CCDC171: variants seen among roughly 807,000 people sequenced by gnomAD.
CCDC171 encodes coiled-coil domain containing 171, also known as coiled-coil domain-containing protein 171.
In CCDC171, 177 loss-of-function variants were observed where a neutral mutation model predicts 168.2. The ratio of observed to expected loss-of-function variants is 1.05; its 90% CI spans 0.93 to 1.19. The LOEUF is 1.19. CCDC171 is among the 50% of genes most tolerant of loss of function. The pLI, the probability that CCDC171 is intolerant of heterozygous loss-of-function variation, is 0.00. For synonymous variants in CCDC171, 687 were observed against 540.8 expected, an observed-to-expected ratio of 1.27 and a Z score of -3.75; for missense variants, 1,991 against 1,539.0, an observed-to-expected ratio of 1.29 and a Z score of -4.91.
chr9:15,632,399 A>C lies in CCDC171; in HGVS notation c.822+8986A>C, dbSNP rs868533977. Among the ~76,000 whole-genome samples the C allele has an allele frequency of 7.8e-3, 1,173 of 150,814 alleles. 10 individuals are homozygous for C. The highest frequency in any genetic ancestry group is 0.024 in the African/African-American group (966 of 41,100). On this transcript the variant is annotated intron_variant, in intron 7 of 25. Coordinates refer to ENST00000380701, the MANE Select transcript of CCDC171 (RefSeq NM_173550.4). ...ATAACAGACAAACAGAGAGCCAAAT[A>C]ATGAGTGAACTCCCATTCACAATTG...
At chr9:15,985,907 G>C (rs917554677) in intron 3 of CCDC171, among the ~76,000 whole-genome samples, 1 of 152,216 alleles carries the variant, frequency 6.6e-6, no homozygotes, top group African/African-American at 2.4e-5. Context: ...TGTTGATGAA[G>C]TCAGATAGAC....
chr9:16,010,249 T>C (rs745917742), intron 3 of CCDC171, among the ~76,000 whole-genome samples: 3 of 152,174 alleles, frequency 2.0e-5, no homozygotes, highest in Non-Finnish European at 2.9e-5. Context: ...CTTGTTGATT[T>C]TATGTGAATG....
chr9:15,796,626 G>T (rs746288836), intron 21 of CCDC171, among the ~76,000 whole-genome samples: 17 of 152,336 alleles, frequency 1.1e-4, no homozygotes, highest in Admixed American at 2.6e-4. Context: ...AGCAGTCTGA[G>T]CTCCCTGCTC....
intron 23 of CCDC171, among the ~76,000 whole-genome samples, chr9:15,852,195 A>G (rs2061158493): frequency 6.6e-6 from 1 of 151,634 alleles, no homozygotes. Flanking sequence ...TTAAATCTCC[A>G]CCATTATGGA....
At chr9:15,626,290 T>A (rs185395533) in intron 7 of CCDC171, among the ~76,000 whole-genome samples, 1 of 152,318 alleles carries the variant, frequency 6.6e-6, no homozygotes, top group African/African-American at 2.4e-5. Context: ...CTTTTCCTCA[T>A]TGAATACCCT....
intron 25 of CCDC171, among the ~76,000 whole-genome samples, chr9:15,950,243 GC>G (rs144659132): frequency 0.31 from 47,324 of 151,864 alleles, 9,160 homozygotes; most frequent in East Asian, 0.61. Flanking sequence ...AGCAAGGCAG[GC>G]CAACATTCAA....
intron 3 of CCDC171, among the ~76,000 whole-genome samples, chr9:16,010,630 T>C (rs1832843204): frequency 6.6e-6 from 1 of 152,012 alleles, no homozygotes; most frequent in Admixed American, 6.6e-5. Context: ...CTACTGACAA[T>C]ATTCTGGTTG....
chr9:15,652,854 T>A (rs2047633739), intron 7 of CCDC171, among the ~76,000 whole-genome samples: 2 of 152,232 alleles, frequency 1.3e-5, no homozygotes, highest in Non-Finnish European at 2.9e-5. Context: ...TAAAGAAAAT[T>A]GTTTGGCTTA....
At chr9:16,079,669 T>G in the CCDC171 span, among the ~76,000 whole-genome samples, 1 of 152,218 alleles carries the variant, frequency 6.6e-6, no homozygotes, top group South Asian at 2.1e-4. Flanking sequence ...GGACTTCTAA[T>G]CTCCAGAACT....
intron 1 of CCDC171, among the ~76,000 whole-genome samples, chr9:16,052,668 T>C (rs1018069604): frequency 1.2e-4 from 18 of 152,172 alleles, no homozygotes; most frequent in Non-Finnish European, 2.2e-4. Context: ...CCGGGGCCTT[T>C]TGTAGAGTCC....
At chr9:15,879,476 A>G (rs546671048) in intron 24 of CCDC171, among the ~76,000 whole-genome samples, 6 of 152,320 alleles carry the variant, frequency 3.9e-5, no homozygotes, top group Admixed American at 1.3e-4. Flanking sequence ...TTTGAAATAT[A>G]CAATAAATTA....
At chr9:15,609,103 T>A (rs1313958717) in intron 6 of CCDC171, among the ~76,000 whole-genome samples, 2 of 143,700 alleles carry the variant, frequency 1.4e-5, no homozygotes, top group African/African-American at 5.0e-5. Context: ...CAGTTTAAAA[T>A]TTTTTTTTTT....
chr9:15,986,679 G>A (rs1197338471), intron 3 of CCDC171, among the ~76,000 whole-genome samples: 1 of 152,140 alleles, frequency 6.6e-6, no homozygotes, highest in Non-Finnish European at 1.5e-5. Context: ...CTTTAGACAT[G>A]GCACTCTGTA....
chr9:15,777,831 G>A lies in CCDC171; in HGVS notation c.2898+5G>A. Reference sequence around the variant, plus strand: ...CGTGGCCATGTGCCCATTACGGTATGTATACACTTTCATTTAGTAGTAACC... The same window carrying A: ...CGTGGCCATGTGCCCATTACGGTATATATACACTTTCATTTAGTAGTAACC... On this transcript the variant is annotated splice_donor_5th_base_variant and intron_variant, in intron 19 of 25. Coordinates refer to ENST00000380701, the MANE Select transcript of CCDC171 (RefSeq NM_173550.4). 2 of 1,568,462 alleles carry A rather than the reference G, an allele frequency of 1.3e-6. No homozygotes were observed. Among genetic ancestry groups the A allele is most frequent in the Non-Finnish European group, 1.7e-6 (2 of 1,159,028 alleles).
intron 11 of CCDC171, among the ~76,000 whole-genome samples, chr9:15,699,923 G>T (rs1204477565): frequency 6.6e-6 from 1 of 152,222 alleles, no homozygotes; most frequent in East Asian, 1.9e-4. Flanking sequence ...TATATTCCCT[G>T]AGCTAGACAT....
At chr9:16,088,319 A>C in the CCDC171 span, among the ~76,000 whole-genome samples, 2 of 152,194 alleles carry the variant, frequency 1.3e-5, no homozygotes, top group African/African-American at 4.8e-5. Context: ...GCACAAGACA[A>C]GGATGCCCTC....
intron 23 of CCDC171, among the ~76,000 whole-genome samples, chr9:15,863,607 A>G (rs2061651810): frequency 6.6e-6 from 1 of 151,738 alleles, no homozygotes; most frequent in Non-Finnish European, 1.5e-5. Flanking sequence ...TCTATTTTGG[A>G]AGACATTGTT....
rs2042780190 is a variant in CCDC171, at chr9:15,600,749, G to A, written c.675+6577G>A. On this transcript the variant is annotated intron_variant, in intron 6 of 25. Coordinates refer to ENST00000380701, the MANE Select transcript of CCDC171 (RefSeq NM_173550.4). ...GCCCCCAGAGGTGGAGTCTACAGAGGCAGGCAGGCCTCCTTGAGCTGCGGT... is the reference window on the plus strand; with the variant it reads ...GCCCCCAGAGGTGGAGTCTACAGAGACAGGCAGGCCTCCTTGAGCTGCGGT... Among the ~76,000 whole-genome samples the A allele has an allele frequency of 1.3e-5, 2 of 152,198 alleles. 1 individual carries two copies. Among genetic ancestry groups the A allele is most frequent in the Admixed American group, 1.3e-4 (2 of 15,288 alleles).
At chr9:15,628,550 C>G (rs903599485) in intron 7 of CCDC171, among the ~76,000 whole-genome samples, 3 of 152,196 alleles carry the variant, frequency 2.0e-5, no homozygotes, top group East Asian at 3.8e-4. Flanking sequence ...TGGAGCCCAC[C>G]ACAGCTCAAG....
Sources: gnomAD v4.1 joint callset for allele counts (sites outside exome capture counted in the v4.1 genomes callset) on GRCh38, gnomAD v4.1.1 for gene constraint, MANE v1.5 for transcripts, NCBI Gene and HGNC (gene_info 2026-07-23, HGNC 2026-07-21) for gene names.